The following ASAH1 variants were observed in gnomAD, a reference collection of about 807,000 sequenced individuals.
ASAH1 encodes the protein acid ceramidase.
ASAH1 carries 70 observed loss-of-function variants against 59.5 expected under a neutral mutation model. The ratio of observed to expected loss-of-function variants is 1.18; its 90% CI spans 0.97 to 1.43. The LOEUF (loss-of-function observed/expected upper bound fraction) is 1.43, where lower values mean the gene tolerates loss of function less well. ASAH1 is among the 40% of genes most tolerant of loss of function. The probability of loss-of-function intolerance (pLI) is 0.00; values close to 1 mark genes in which losing one functional copy is unlikely to be tolerated. For synonymous variants in ASAH1, 213 were observed against 166.5 expected, an observed-to-expected ratio of 1.28 and a Z score of -2.15; for missense variants, 660 against 482.5, an observed-to-expected ratio of 1.37 and a Z score of -3.45.
upstream of ASAH1, chr8:18,084,828 G>A (rs185583340): frequency 1.1e-4 from 175 of 1,611,488 alleles, no homozygotes; most frequent in Non-Finnish European, 1.3e-4. Flanking sequence ...CTCCTAACTG[G>A]CGAAGGACTC....
chr8:18,060,684 T>C (rs184311596), intron 10 of ASAH1: 3 of 152,434 alleles, frequency 2.0e-5, no homozygotes, highest in Non-Finnish European at 4.4e-5. Context: ...AGTTTTGCTA[T>C]TGTAAGATTT....
intron 1 of ASAH1, chr8:18,082,728 T>C (rs891738293): frequency 4.6e-5 from 7 of 152,192 alleles, no homozygotes; most frequent in African/African-American, 1.7e-4. Context: ...CCGTCGCTCA[T>C]GGTGTGTGGT....
chr8:18,074,069 AG>A (rs1192589621), intron 2 of ASAH1, among the ~76,000 whole-genome samples: 1 of 152,228 alleles, frequency 6.6e-6, no homozygotes, highest in Non-Finnish European at 1.5e-5. Flanking sequence ...TATGGTTTGC[AG>A]GGCATTCAAT....
chr8:18,056,101 A>C lies in ASAH1; in HGVS notation c.*1433T>G, dbSNP rs914883265. On this transcript the variant is annotated 3_prime_UTR_variant, in exon 14 of 14. Transcript: ENST00000637790. ...ATGTAAGAGGTAGAAAATCTGAGTAAAGTTTTTTTTTCATTAATTAAATCC... is the reference window on the plus strand; with the variant it reads ...ATGTAAGAGGTAGAAAATCTGAGTACAGTTTTTTTTTCATTAATTAAATCC... 1 of 152,176 alleles carries C rather than the reference A, an allele frequency of 6.6e-6. No individual in the cohort carries two copies. The highest frequency in any genetic ancestry group is 1.5e-5 in the Non-Finnish European group (1 of 68,028). The allele number at this position is 152,176 out of a possible 1,614,324, so 9.4% of individuals were successfully genotyped here.
At chr8:18,077,101 G>A (rs1362471954) in intron 1 of ASAH1, among the ~76,000 whole-genome samples, 1 of 152,200 alleles carries the variant, frequency 6.6e-6, no homozygotes, top group East Asian at 1.9e-4. Context: ...CAGCTAGCAA[G>A]CTATCTAATG....
At chr8:18,064,373 A>C in intron 6 of ASAH1, 84 bp downstream of exon 6, 10 of 1,112,412 alleles carry the variant, frequency 9.0e-6, no homozygotes, top group Non-Finnish European at 1.2e-5. Context: ...AGCAAGCCCA[A>C]ATTTCAGAAG....
rs374718391 is a variant in ASAH1 at position 18,057,497 on chromosome 8, T to C, written c.*37A>G. ...CGGTCACATGGAGATGGTGTCTTCA[T>C]GTCTCAGAGGCCGCATTCTGTAGGC... On this transcript the variant is annotated 3_prime_UTR_variant, in exon 14 of 14. Coordinates refer to ENST00000637790, the MANE Select transcript of ASAH1 (RefSeq NM_177924.5). 12 of 1,503,454 alleles carry C rather than the reference T, an allele frequency of 8.0e-6. No homozygotes were observed. The highest frequency in any genetic ancestry group is 8.3e-6 in the Non-Finnish European group (9 of 1,088,610). The allele number at this position is 1,503,454 out of a possible 1,614,324, so 93.1% of individuals were successfully genotyped here. A position where few individuals can be genotyped will look rare whatever the true frequency, so the allele number is the denominator to read the frequency against.
At chr8:18,078,066 C>T (rs796645138) in intron 1 of ASAH1, among the ~76,000 whole-genome samples, 13 of 152,312 alleles carry the variant, frequency 8.5e-5, no homozygotes, top group African/African-American at 3.1e-4. Flanking sequence ...GATAATAAAA[C>T]CAATGCCTCA....
chr8:18,075,111 T>A (rs2117076621), intron 2 of ASAH1, among the ~76,000 whole-genome samples: 1 of 150,546 alleles, frequency 6.6e-6, no homozygotes, highest in African/African-American at 2.5e-5. Context: ...TTCTCCTGCC[T>A]CAGCCTCCAG....
chr8:18,077,628 T>C (rs1018216047), intron 1 of ASAH1, among the ~76,000 whole-genome samples: 1 of 152,210 alleles, frequency 6.6e-6, no homozygotes, highest in African/African-American at 2.4e-5. Flanking sequence ...TTGATGTTCT[T>C]CCCAAAGTCC....
At chr8:18,063,378 A>G in intron 6 of ASAH1, 148 bp from the exon 7 acceptor site, 1 of 733,398 alleles carries the variant, frequency 1.4e-6, no homozygotes, top group Non-Finnish European at 2.4e-6. Context: ...ATCTCAGCTC[A>G]CTGCGACCTC....
chr8:18,069,817 AT>A lies in ASAH1; in HGVS notation c.277del (p.Ile93LeufsTer24). The A allele has an allele frequency of 6.3e-7, 1 of 1,589,402 alleles. No individual in the cohort carries two copies. Among genetic ancestry groups the A allele is most frequent in the Non-Finnish European group, 8.6e-7 (1 of 1,158,666 alleles). ...MINTFVPSGK[I>X]MQVVDEKLPG... ...CAATTTTTCATCCACCACCTGCATAATTTTTCCACTTGGCACGAATGTATTT... is the reference window on the plus strand; with the variant it reads ...CAATTTTTCATCCACCACCTGCATAATTTTCCACTTGGCACGAATGTATTT... On this transcript the variant is annotated frameshift_variant, in exon 4 of 14. Coordinates refer to ENST00000637790, the MANE Select transcript of ASAH1 (RefSeq NM_177924.5). LOFTEE classifies it high-confidence loss of function.
rs1800074743 is a variant in ASAH1 at position 18,069,670 on chromosome 8, G to A, written c.303+122C>T. ...TAAGTCCCTCTGAAGTTCTGACAGTGAGCTAGATTCATGCAGATTTGCCCA... is the reference window on the plus strand; with the variant it reads ...TAAGTCCCTCTGAAGTTCTGACAGTAAGCTAGATTCATGCAGATTTGCCCA... On this transcript the variant is annotated intron_variant, in intron 4 of 13. Coordinates refer to ENST00000637790, the MANE Select transcript of ASAH1 (RefSeq NM_177924.5). The A allele has an allele frequency of 8.6e-6, 6 of 697,460 alleles. No homozygotes were observed. In the East Asian group the frequency reaches 1.1e-4, roughly 12 times the overall value. The allele number at this position is 697,460 out of a possible 1,614,324, so 43.2% of individuals were successfully genotyped here.
chr8:18,067,133 C>CCTGTGCTGTATATCTAAGACATACAGCAA, intron 5 of ASAH1, 87 bp downstream of exon 5: 1 of 569,762 alleles, frequency 1.8e-6, no homozygotes, highest in Non-Finnish European at 2.4e-6. Context: ...ACATACAGCA[C>CCTGTGCTGTATATCTAAGACATACAGCAA]CTGTGCTGTA....
chr8:18,073,333 C>A lies in ASAH1; in HGVS notation c.126-1943G>T, dbSNP rs1330219224. 4.9e-6 allele frequency: 7 copies of A among 1,436,610 alleles called. No individual in the cohort carries two copies. In the East Asian group the frequency reaches 1.6e-4, roughly 33 times the overall value. 89.0% of individuals were successfully genotyped at this position (1,436,610 alleles called of 1,614,324 possible). ...CTTAGCAGCATTGGTATTCAATCAA[C>A]AGTAGTCATCACAATTTATTTTCCT... is the stretch of plus-strand genomic sequence containing the variant. On this transcript the variant is annotated intron_variant, in intron 2 of 13. Coordinates refer to ENST00000637790, the MANE Select transcript of ASAH1 (RefSeq NM_177924.5).
intron 1 of ASAH1, among the ~76,000 whole-genome samples, chr8:18,078,804 T>C (rs920771621): frequency 9.8e-5 from 15 of 152,296 alleles, no homozygotes; most frequent in African/African-American, 3.4e-4. Flanking sequence ...CTGGATGGTA[T>C]ACTATGTACA....
intron 4 of ASAH1, chr8:18,069,362 A>G (rs1240784979): frequency 5.9e-6 from 1 of 169,002 alleles, no homozygotes; most frequent in East Asian, 1.7e-4. Context: ...CTCAGCCCAA[A>G]TGAGTTTCAG....
chr8:18,067,068 G>A, intron 5 of ASAH1, 152 bp downstream of exon 5: 1 of 205,260 alleles, frequency 4.9e-6, no homozygotes, highest in Non-Finnish European at 1.1e-5. Flanking sequence ...ATGCATTTCT[G>A]AAGCTTCACT....
chr8:18,067,274 C>A lies in ASAH1; in HGVS notation c.328G>T (p.Gly110Cys). 1.2e-6 allele frequency: 2 copies of A among 1,601,102 alleles called. No individual in the cohort carries two copies. Among genetic ancestry groups the A allele is most frequent in the Non-Finnish European group, 1.7e-6 (2 of 1,173,294 alleles). Reference sequence around the variant, plus strand: ...CCCTTCATTTCCTCTTCAAAAGGGCCAGGAAAGTTGCCAAGTAGGCCAGGC... The same window carrying A: ...CCCTTCATTTCCTCTTCAAAAGGGCAAGGAAAGTTGCCAAGTAGGCCAGGC... ...KLPGLLGNFP[G>C]PFEEEMKGIA... Residue 110 changes from glycine (G) to cysteine (C), a missense_variant, in exon 5 of 14, where the codon GGC becomes TGC. By Grantham distance (159) the Gly-to-Cys change is radical (BLOSUM62 -3). Coordinates refer to ENST00000637790, the MANE Select transcript of ASAH1 (RefSeq NM_177924.5).
Sources: gnomAD v4.1 joint callset for allele counts (sites outside exome capture counted in the v4.1 genomes callset) on GRCh38, gnomAD v4.1.1 for gene constraint, MANE v1.5 for transcripts, NCBI Gene and HGNC (gene_info 2026-07-23, HGNC 2026-07-21) for gene names.